The following NDC80 variants were observed in gnomAD, a reference collection of about 807,000 sequenced individuals.
The protein encoded by NDC80 is kinetochore protein NDC80 homolog.
Under a neutral mutation model 89.3 loss-of-function variants are expected in NDC80, and 69 were observed. The ratio of observed to expected loss-of-function variants is 0.77; its 90% CI spans 0.64 to 0.94. The LOEUF (loss-of-function observed/expected upper bound fraction) is 0.94. Ranked by LOEUF, NDC80 falls within the 40% of genes least tolerant of loss-of-function variation. NDC80 has a pLI of 0.00. For synonymous variants in NDC80, 243 were observed against 255.6 expected (o/e 0.95, Z 0.47); for missense variants, 593 against 739.6 (o/e 0.80, Z 2.30).
chr18:2,587,659 CA>C (rs2072608845), intron 7 of NDC80, among the ~76,000 whole-genome samples, 170 bp from the exon 8 acceptor site: 1 of 152,000 alleles, frequency 6.6e-6, no homozygotes, highest in Non-Finnish European at 1.5e-5. Flanking sequence ...TAAATAAGTC[CA>C]TATAGCATAA....
chr18:2,614,846 G>A (rs1481276728), intron 16 of NDC80: 3 of 152,644 alleles, frequency 2.0e-5, no homozygotes, highest in African/African-American at 7.2e-5. Context: ...GTTAAGATGA[G>A]GTCATGTTGG....
At chr18:2,606,854 C>T (rs1466285685) in intron 14 of NDC80, among the ~76,000 whole-genome samples, 1 of 151,980 alleles carries the variant, frequency 6.6e-6, no homozygotes, top group Non-Finnish European at 1.5e-5. Context: ...AAAGCCTGAA[C>T]CCCAATAAGG....
chr18:2,612,258 TCTGA>T (rs1268001747), intron 16 of NDC80, among the ~76,000 whole-genome samples: 1 of 147,354 alleles, frequency 6.8e-6, no homozygotes, highest in African/African-American at 2.5e-5. Context: ...CCTTAGCACC[TCTGA>T]CTTTCTTTTC....
At chr18:2,602,045 A>G (rs1283874086) in intron 13 of NDC80, among the ~76,000 whole-genome samples, 4 of 152,166 alleles carry the variant, frequency 2.6e-5, no homozygotes, top group Admixed American at 2.6e-4. Flanking sequence ...AAACATTGTT[A>G]GTTAAGAAAA....
At chr18:2,575,300 T>C (rs1196349953) in intron 3 of NDC80, among the ~76,000 whole-genome samples, 1 of 152,234 alleles carries the variant, frequency 6.6e-6, no homozygotes, top group African/African-American at 2.4e-5. Context: ...GAAAATTCTA[T>C]ACCTAGCTTT....
In NDC80 at chr18:2,607,991, AT is replaced by A. The variant is rs1226231666; in HGVS notation, c.1558-708del. Among the ~76,000 whole-genome samples, 260 of 130,612 alleles carry A rather than the reference AT, an allele frequency of 2.0e-3. 2 individuals carry two copies. Among genetic ancestry groups the A allele is most frequent in the Non-Finnish European group, 3.3e-3 (201 of 60,340 alleles). The allele number at this position is 130,612 out of a possible 152,430, so 85.7% of individuals were successfully genotyped here. Reference sequence around the variant, plus strand: ...TATATATATATATATATATATATATATATATATAACTTATTTAGCTAGCCCC... The same window carrying A: ...TATATATATATATATATATATATATAATATATAACTTATTTAGCTAGCCCC... On this transcript the variant is annotated intron_variant, in intron 14 of 16. Transcript: ENST00000261597.
chr18:2,591,777 T>C (rs1453066051), intron 10 of NDC80, among the ~76,000 whole-genome samples: 2 of 149,444 alleles, frequency 1.3e-5, no homozygotes, highest in Admixed American at 6.7e-5. Flanking sequence ...TTTTTTGAGA[T>C]GTAGTCTTGC....
At chr18:2,610,430 A>C (rs1340956612) in intron 15 of NDC80, among the ~76,000 whole-genome samples, 5 of 151,846 alleles carry the variant, frequency 3.3e-5, no homozygotes, top group African/African-American at 1.2e-4. Flanking sequence ...TAAGACTTCT[A>C]CTCCCCCATT....
At chr18:2,580,138 CAAA>C (rs1006461103) in intron 6 of NDC80, among the ~76,000 whole-genome samples, 1 of 150,940 alleles carries the variant, frequency 6.6e-6, no homozygotes, top group African/African-American at 2.4e-5. Context: ...ACACAACAAG[CAAA>C]AAAAATTGAC....
At chr18:2,574,844 T>C (rs1468068327) in intron 2 of NDC80, 145 bp from the exon 3 acceptor site, 4 of 614,134 alleles carry the variant, frequency 6.5e-6, no homozygotes, top group Middle Eastern at 4.4e-4. Context: ...TTATAACAGC[T>C]TTCATGACTG....
At chr18:2,582,538 C>T (rs2072583743) in intron 6 of NDC80, 1 of 152,056 alleles carries the variant, frequency 6.6e-6, no homozygotes, top group South Asian at 2.1e-4. Context: ...ATTACAACTA[C>T]TGTTCTCAGT....
intron 6 of NDC80, among the ~76,000 whole-genome samples, chr18:2,581,710 T>C (rs1007958859): frequency 2.0e-5 from 3 of 152,204 alleles, no homozygotes; most frequent in African/African-American, 7.2e-5. Flanking sequence ...AGTATGTTCT[T>C]AATTAAACCT....
chr18:2,593,125 G>A (rs139350278), intron 10 of NDC80, among the ~76,000 whole-genome samples: 1 of 144,670 alleles, frequency 6.9e-6, no homozygotes, highest in East Asian at 2.1e-4. Context: ...CACGATCTCA[G>A]TTCACTGCAA....
At chr18:2,615,718 A>G (rs767890268) in intron 16 of NDC80, among the ~76,000 whole-genome samples, 2 of 152,244 alleles carry the variant, frequency 1.3e-5, no homozygotes, top group Non-Finnish European at 2.9e-5. Flanking sequence ...AAATGTTGAT[A>G]TATTCATTCT....
intron 11 of NDC80, 37 bp downstream of exon 11, chr18:2,595,658 A>G: frequency 6.3e-7 from 1 of 1,579,762 alleles, no homozygotes; most frequent in Non-Finnish European, 8.7e-7. Flanking sequence ...AACTCATCAT[A>G]GCTGACCTTT....
At chr18:2,588,331 A>C (rs1568000863) in intron 8 of NDC80, among the ~76,000 whole-genome samples, 1 of 152,208 alleles carries the variant, frequency 6.6e-6, no homozygotes, top group Non-Finnish European at 1.5e-5. Flanking sequence ...AGCACCAATT[A>C]GTCAAAAGAC....
chr18:2,576,811 C>T (rs978997476), intron 3 of NDC80, among the ~76,000 whole-genome samples: 2 of 152,024 alleles, frequency 1.3e-5, no homozygotes, highest in Admixed American at 1.3e-4. Flanking sequence ...AAAATAGATA[C>T]CTTTAAAAAA....
At chr18:2,610,048 C>T (rs551702529) in intron 15 of NDC80, among the ~76,000 whole-genome samples, 1 of 152,244 alleles carries the variant, frequency 6.6e-6, no homozygotes, top group Non-Finnish European at 1.5e-5. Flanking sequence ...GTTTCCCTCA[C>T]AATTTTTAAA....
intron 15 of NDC80, among the ~76,000 whole-genome samples, chr18:2,610,218 A>G (rs1356242318): frequency 6.6e-6 from 1 of 152,210 alleles, no homozygotes; most frequent in Non-Finnish European, 1.5e-5. Flanking sequence ...CTCCGTGTAC[A>G]TTTATGTAAA....
Sources: allele counts gnomAD v4.1 joint callset (sites outside exome capture counted in the v4.1 genomes callset), GRCh38; gene constraint gnomAD v4.1.1; transcripts MANE v1.5; gene names NCBI Gene and HGNC (gene_info 2026-07-23, HGNC 2026-07-21).